Variants in MDGA2 observed in about 807,000 individuals in gnomAD.
MDGA2 encodes the protein MAM domain containing glycosylphosphatidylinositol anchor 2, also known as MAM domain-containing glycosylphosphatidylinositol anchor protein 2.
A neutral mutation model predicts 117.8 loss-of-function variants in MDGA2; 40 were observed. The ratio of observed to expected loss-of-function variants is 0.34; its 90% confidence interval spans 0.26 to 0.44. The LOEUF (loss-of-function observed/expected upper bound fraction) is 0.44, where lower values mean the gene tolerates loss of function less well. Ranked by LOEUF, MDGA2 falls within the 20% of genes least tolerant of loss-of-function variation. MDGA2 has a pLI of 1.00. For synonymous variants in MDGA2, 452 were observed against 439.0 expected (o/e 1.03, Z -0.37); for missense variants, 1,123 against 1,250.6 (o/e 0.90, Z 1.54).
intron 1 of MDGA2, among the ~76,000 whole-genome samples, chr14:47,471,196 GA>G (rs2138615437): frequency 6.6e-6 from 1 of 151,952 alleles, no homozygotes; most frequent in South Asian, 2.1e-4. Context: ...AATTAAAGAT[GA>G]GGGGGAGATA....
chr14:47,499,683 T>C (rs1452324967), intron 1 of MDGA2, among the ~76,000 whole-genome samples: 1 of 152,048 alleles, frequency 6.6e-6, no homozygotes, highest in Non-Finnish European at 1.5e-5. Context: ...ATAAGAGAAA[T>C]AAGAGGCACA....
At chr14:47,481,983 A>G (rs1350162920) in intron 1 of MDGA2, among the ~76,000 whole-genome samples, 1 of 152,042 alleles carries the variant, frequency 6.6e-6, no homozygotes, top group Non-Finnish European at 1.5e-5. Flanking sequence ...TGTTACAGGT[A>G]CACAGGCACC....
intron 1 of MDGA2, among the ~76,000 whole-genome samples, chr14:47,569,035 A>G (rs1895970706): frequency 6.6e-6 from 1 of 152,064 alleles, no homozygotes. Flanking sequence ...TTTTTGATAT[A>G]AAATCGGCTG....
chr14:47,235,546 AGCC>A (rs2139586235), intron 2 of MDGA2, among the ~76,000 whole-genome samples: 1 of 152,308 alleles, frequency 6.6e-6, no homozygotes, highest in East Asian at 1.9e-4. Context: ...AAAAGACCAG[AGCC>A]TGAAGCAAGG....
At chr14:47,393,167 T>C (rs943666109) in intron 1 of MDGA2, among the ~76,000 whole-genome samples, 1 of 151,534 alleles carries the variant, frequency 6.6e-6, no homozygotes, top group Admixed American at 6.6e-5. Context: ...AACATCTTTG[T>C]TATCTGGAGA....
intron 1 of MDGA2, among the ~76,000 whole-genome samples, chr14:47,312,242 T>G (rs1889658787): frequency 6.6e-6 from 1 of 152,132 alleles, no homozygotes. Context: ...TGTATCTCAG[T>G]GATTCACATA....
chr14:46,896,478 A>G (rs907662414), intron 10 of MDGA2, among the ~76,000 whole-genome samples: 4 of 152,182 alleles, frequency 2.6e-5, no homozygotes, highest in African/African-American at 9.6e-5. Flanking sequence ...AAATCATCTA[A>G]CTTATGTTGG....
chr14:47,043,362 T>C (rs1320361647), intron 7 of MDGA2, among the ~76,000 whole-genome samples: 19 of 152,108 alleles, frequency 1.2e-4, no homozygotes, highest in Admixed American at 1.2e-3. Context: ...TATAAAAATA[T>C]GAAGTTAACA....
intron 1 of MDGA2, among the ~76,000 whole-genome samples, chr14:47,415,587 G>GA (rs543497462): frequency 5.9e-5 from 9 of 151,476 alleles, no homozygotes; most frequent in Admixed American, 1.3e-4. Context: ...GTGTATATAG[G>GA]AAAAAAAACA....
intron 1 of MDGA2, among the ~76,000 whole-genome samples, chr14:47,445,846 A>G (rs1893110968): frequency 6.6e-6 from 1 of 152,200 alleles, no homozygotes; most frequent in Non-Finnish European, 1.5e-5. Context: ...AAGCACAAAC[A>G]GAAAAAGCAA....
At chr14:46,868,055 T>C (rs1158989631) in intron 14 of MDGA2, among the ~76,000 whole-genome samples, 1 of 151,998 alleles carries the variant, frequency 6.6e-6, no homozygotes, top group East Asian at 1.9e-4. Flanking sequence ...CTAGTTTGGA[T>C]CATTCTTTAA....
intron 2 of MDGA2, among the ~76,000 whole-genome samples, chr14:47,300,764 G>A (rs1357283328): frequency 1.3e-5 from 2 of 151,772 alleles, no homozygotes; most frequent in African/African-American, 2.4e-5. Context: ...CTCACAAAGT[G>A]CTGAGGTTGT....
At chr14:47,301,286 CACACCCACCCACACACA>C in intron 2 of MDGA2, 108 bp downstream of exon 2, 1 of 944,790 alleles carries the variant, frequency 1.1e-6, no homozygotes, top group Non-Finnish European at 1.5e-6. Flanking sequence ...CACACACACC[CACACCCACCCACACACA>C]CACACACACA....
At chr14:47,165,260 C>CA (rs146416009) in intron 3 of MDGA2, among the ~76,000 whole-genome samples, 3,582 of 151,798 alleles carry the variant, frequency 0.024, 150 homozygotes, top group African/African-American at 0.081. Context: ...TAAAAAAATA[C>CA]AAAAAAAGAA....
At chr14:47,173,200 A>C (rs911050517) in intron 3 of MDGA2, among the ~76,000 whole-genome samples, 4 of 152,220 alleles carry the variant, frequency 2.6e-5, no homozygotes, top group Admixed American at 6.5e-5. Flanking sequence ...GACGGGGAGA[A>C]TGGAACCAAG....
intron 9 of MDGA2, among the ~76,000 whole-genome samples, chr14:46,950,452 AT>A (rs1332209457): frequency 6.6e-6 from 1 of 152,028 alleles, no homozygotes; most frequent in Non-Finnish European, 1.5e-5. Flanking sequence ...CACTTCGTAT[AT>A]TACAGAAGGC....
At chr14:46,932,905 A>G (rs1211994937) in intron 9 of MDGA2, among the ~76,000 whole-genome samples, 3 of 152,124 alleles carry the variant, frequency 2.0e-5, no homozygotes, top group Non-Finnish European at 2.9e-5. Context: ...TCTAGAACTA[A>G]TAAGTTAGTT....
chr14:46,891,113 G>C (rs36013628), intron 10 of MDGA2, among the ~76,000 whole-genome samples: 4 of 151,750 alleles, frequency 2.6e-5, no homozygotes, highest in Non-Finnish European at 5.9e-5. Context: ...CATTCCTAAT[G>C]TGTCAGTTTA....
chr14:47,317,017 A>T (rs1594791827), intron 1 of MDGA2, among the ~76,000 whole-genome samples: 2 of 152,260 alleles, frequency 1.3e-5, no homozygotes, highest in South Asian at 4.1e-4. Context: ...ATAAGCTCCT[A>T]TTAGCTACCA....
Sources: allele counts gnomAD v4.1 joint callset (sites outside exome capture counted in the v4.1 genomes callset), GRCh38; gene constraint gnomAD v4.1.1; transcripts MANE v1.5; gene names NCBI Gene and HGNC (gene_info 2026-07-23, HGNC 2026-07-21).